The following E2F3 variants were observed in gnomAD, a reference collection of about 807,000 sequenced individuals.
E2F3 encodes the protein transcription factor E2F3.
Under a neutral mutation model 44.4 loss-of-function variants are expected in E2F3, and 11 were observed. The observed-to-expected ratio is 0.25, with a 90% confidence interval of 0.16 to 0.41. The LOEUF (loss-of-function observed/expected upper bound fraction) is 0.41, where lower values mean the gene tolerates loss of function less well. Ranked by LOEUF, E2F3 falls within the 10% of genes least tolerant of loss-of-function variation. The pLI, the probability that E2F3 is intolerant of heterozygous loss-of-function variation, is 1.00. For missense variants in E2F3, 487 were observed against 583.6 expected (o/e 0.83, Z 1.70); for synonymous variants, 249 against 253.0 (o/e 0.98, Z 0.15).
chr6:20,455,790 C>T (rs1425101031), intron 1 of E2F3, among the ~76,000 whole-genome samples: 2 of 152,096 alleles, frequency 1.3e-5, no homozygotes, highest in East Asian at 3.9e-4. Flanking sequence ...AGGGTGGAGT[C>T]AGAAAGAAAT....
chr6:20,486,943 C>T (rs1187406037), intron 5 of E2F3, 140 bp downstream of exon 5: 3 of 586,548 alleles, frequency 5.1e-6, no homozygotes, highest in Non-Finnish European at 9.0e-6. Context: ...CTTAACCATA[C>T]ATTTGAAAAC....
intron 1 of E2F3, among the ~76,000 whole-genome samples, chr6:20,425,127 A>C (rs1289846948): frequency 6.6e-6 from 1 of 152,216 alleles, no homozygotes; most frequent in Non-Finnish European, 1.5e-5. Flanking sequence ...GAGTTGAAAA[A>C]TTTGGCTTTG....
intron 1 of E2F3, among the ~76,000 whole-genome samples, chr6:20,432,891 C>T (rs1044363164): frequency 4.6e-5 from 7 of 152,242 alleles, no homozygotes; most frequent in African/African-American, 1.7e-4. Flanking sequence ...GTCCCATCTG[C>T]CTGGAATGGC....
chr6:20,475,007 A>G (rs1433743981), intron 1 of E2F3, among the ~76,000 whole-genome samples: 2 of 152,222 alleles, frequency 1.3e-5, no homozygotes, highest in Non-Finnish European at 2.9e-5. Context: ...TGTAGAGCCT[A>G]TAAGTCCACC....
intron 1 of E2F3, among the ~76,000 whole-genome samples, chr6:20,410,414 C>G (rs773896793): frequency 2.0e-5 from 3 of 152,100 alleles, no homozygotes; most frequent in African/African-American, 4.8e-5. Context: ...AACTTGGCCT[C>G]TATGTTTTCA....
chr6:20,448,213 C>G (rs531595774), intron 1 of E2F3, among the ~76,000 whole-genome samples: 1 of 152,274 alleles, frequency 6.6e-6, no homozygotes, highest in African/African-American at 2.4e-5. Context: ...TGAGCGCTCT[C>G]AATGCAAAGC....
chr6:20,467,676 G>A (rs1761758709), intron 1 of E2F3, among the ~76,000 whole-genome samples: 2 of 152,154 alleles, frequency 1.3e-5, no homozygotes, highest in African/African-American at 4.8e-5. Context: ...GTCTGGCATC[G>A]AGGTTTGGCC....
chr6:20,432,822 C>A (rs575544357), intron 1 of E2F3, among the ~76,000 whole-genome samples: 91 of 152,222 alleles, frequency 6.0e-4, no homozygotes, highest in African/African-American at 1.7e-3. Context: ...ATGTAGGGAG[C>A]ACAAGGCAAG....
chr6:20,446,711 G>A (rs1259099852), intron 1 of E2F3, among the ~76,000 whole-genome samples: 2 of 152,120 alleles, frequency 1.3e-5, no homozygotes, highest in Non-Finnish European at 2.9e-5. Context: ...GACTACTACA[G>A]GTGTGCGCTA....
intron 1 of E2F3, among the ~76,000 whole-genome samples, chr6:20,475,572 G>A (rs868342521): frequency 9.9e-5 from 15 of 152,116 alleles, no homozygotes; most frequent in African/African-American, 3.6e-4. Context: ...GCTGGATTGC[G>A]GAGGCACCAA....
intron 1 of E2F3, among the ~76,000 whole-genome samples, chr6:20,457,275 A>G (rs1166697759): frequency 6.6e-6 from 1 of 151,678 alleles, no homozygotes; most frequent in African/African-American, 2.4e-5. Flanking sequence ...CCCAGGTTCA[A>G]GCGATTCTCC....
intron 1 of E2F3, among the ~76,000 whole-genome samples, chr6:20,454,419 A>G (rs1235687903): frequency 6.6e-6 from 1 of 152,228 alleles, no homozygotes; most frequent in Non-Finnish European, 1.5e-5. Context: ...TCTTCTTGAC[A>G]TGTAAAAATG....
At position 20,402,604 on chromosome 6, in the gene E2F3, C is replaced by T; in HGVS notation, c.372C>T (p.Ser124=). ...CACCAGCGCTGGGACGCGGCGGCAG[C>T]GGCGGCGGCGGCGGCCCTCCGGTAA... The part of the protein sequence containing the change: ...QQPPALGRGG[S]GGGGGPPAKR... The change falls in exon 1 of 7, where the codon AGC becomes AGT. Residue 124 remains serine (S), a synonymous_variant. Coordinates refer to ENST00000346618, the MANE Select transcript of E2F3 (RefSeq NM_001949.5). This position sits in a 1 kb window ranked among gnomAD's most constrained non-coding sequence, Gnocchi z 5.6. 4 of 1,303,206 alleles carry T rather than the reference C, an allele frequency of 3.1e-6. No individual in the cohort carries two copies. Among genetic ancestry groups the T allele is most frequent in the Non-Finnish European group, 3.9e-6 (4 of 1,031,216 alleles). 80.7% of individuals were successfully genotyped at this position (1,303,206 alleles called of 1,614,324 possible). A position where few individuals can be genotyped will look rare whatever the true frequency, so the allele number is the denominator to read the frequency against.
Position 20,459,407 on chromosome 6 carries a change from C to T in E2F3, c.394-20439C>T, listed in dbSNP as rs1200288434. On this transcript the variant is annotated intron_variant, in intron 1 of 6. Coordinates refer to ENST00000346618, the MANE Select transcript of E2F3 (RefSeq NM_001949.5). ...GATGCCAGCTATGAAAACTAACTAC[C>T]ACTTATATCATTAGATGAAGAGCCT... Among the ~76,000 whole-genome samples the T allele has an allele frequency of 2.0e-5, 3 of 152,180 alleles. No individual in the cohort carries two copies. The East Asian group carries it at 5.8e-4, about 29-fold the overall frequency.
chr6:20,412,876 A>T (rs544654528), intron 1 of E2F3, among the ~76,000 whole-genome samples: 1 of 152,366 alleles, frequency 6.6e-6, no homozygotes, highest in African/African-American at 2.4e-5. Flanking sequence ...GCCACTCAGC[A>T]GTCTCTGGTC....
At chr6:20,440,730 T>C (rs895260223) in intron 1 of E2F3, among the ~76,000 whole-genome samples, 2 of 152,236 alleles carry the variant, frequency 1.3e-5, no homozygotes, top group Non-Finnish European at 2.9e-5. Context: ...GGTCACATGC[T>C]GGAGCTAGCA....
chr6:20,445,514 C>G (rs1216003467), intron 1 of E2F3, among the ~76,000 whole-genome samples: 1 of 152,068 alleles, frequency 6.6e-6, no homozygotes, highest in Non-Finnish European at 1.5e-5. Context: ...CTAAGACATG[C>G]GTTTTTTCAT....
intron 1 of E2F3, among the ~76,000 whole-genome samples, chr6:20,460,870 C>G (rs1182065203): frequency 6.6e-6 from 1 of 151,644 alleles, no homozygotes; most frequent in Admixed American, 6.6e-5. Flanking sequence ...GTGGTGCACA[C>G]CTGTAATCCC....
At chr6:20,479,322 A>C (rs533444116) in intron 1 of E2F3, among the ~76,000 whole-genome samples, 2 of 152,384 alleles carry the variant, frequency 1.3e-5, no homozygotes, top group South Asian at 4.1e-4. Flanking sequence ...TACAAAGATA[A>C]ATGGGAAACA....
Sources: gnomAD v4.1 joint callset for allele counts (sites outside exome capture counted in the v4.1 genomes callset) on GRCh38, gnomAD v4.1.1 for gene constraint, Gnocchi (gnomAD v3.1) non-coding constraint, MANE v1.5 for transcripts, NCBI Gene and HGNC (gene_info 2026-07-23, HGNC 2026-07-21) for gene names.